The following GMDS variants were observed in gnomAD, a reference collection of about 807,000 sequenced individuals.
GMDS encodes GDP-mannose 4,6-dehydratase.
A neutral mutation model predicts 49.9 loss-of-function variants in GMDS; 20 were observed. That is an observed-to-expected ratio of 0.40 (90% CI 0.28 to 0.58). The LOEUF (loss-of-function observed/expected upper bound fraction) is 0.58, where lower values mean the gene tolerates loss of function less well. Ranked by LOEUF, GMDS falls within the 20% of genes least tolerant of loss-of-function variation. The pLI is 0.42. For synonymous variants in GMDS, 177 were observed against 178.6 expected (o/e 0.99, Z 0.07); for missense variants, 362 against 481.4 (o/e 0.75, Z 2.32).
At chr6:1,657,644 A>G (rs866695366) in intron 9 of GMDS, among the ~76,000 whole-genome samples, 2 of 152,286 alleles carry the variant, frequency 1.3e-5, no homozygotes, top group Middle Eastern at 3.4e-3. Flanking sequence ...AGGCGAGACC[A>G]GATTTCCTGT....
intron 1 of GMDS, among the ~76,000 whole-genome samples, chr6:2,230,018 T>C (rs234937): frequency 0.36 from 50,705 of 142,010 alleles, 10,407 homozygotes; most frequent in African/African-American, 0.62. Flanking sequence ...TCTGAAGACC[T>C]CCCTCCAGAG....
At chr6:2,232,525 T>C (rs910238636) in intron 1 of GMDS, among the ~76,000 whole-genome samples, 1 of 152,180 alleles carries the variant, frequency 6.6e-6, no homozygotes, top group African/African-American at 2.4e-5. Context: ...ACTTCAAAAC[T>C]GGTTTGTCAT....
At chr6:2,200,468 G>A in intron 1 of GMDS, among the ~76,000 whole-genome samples, 1 of 150,986 alleles carries the variant, frequency 6.6e-6, no homozygotes, top group South Asian at 2.1e-4. Context: ...GCAGAGAGGT[G>A]AAGGATGAAG....
chr6:1,803,514 T>C (rs892616641), intron 7 of GMDS, among the ~76,000 whole-genome samples: 1 of 152,124 alleles, frequency 6.6e-6, no homozygotes, highest in East Asian at 1.9e-4. Flanking sequence ...ACAGCTACAA[T>C]TTATGGCAAA....
At chr6:1,633,452 T>C (rs1346530607) in intron 9 of GMDS, among the ~76,000 whole-genome samples, 2 of 152,176 alleles carry the variant, frequency 1.3e-5, no homozygotes, top group African/African-American at 4.8e-5. Context: ...GCCCATGTTC[T>C]AGGGTCTGGC....
At chr6:1,876,334 G>A (rs1759061465) in intron 7 of GMDS, among the ~76,000 whole-genome samples, 1 of 152,094 alleles carries the variant, frequency 6.6e-6, no homozygotes, top group Non-Finnish European at 1.5e-5. Context: ...AGCTGAAGGT[G>A]ATGAGAAAAA....
At chr6:2,069,969 G>GT (rs1344190889) in intron 4 of GMDS, among the ~76,000 whole-genome samples, 3 of 151,724 alleles carry the variant, frequency 2.0e-5, no homozygotes, top group Non-Finnish European at 4.4e-5. Flanking sequence ...ACATGCACAC[G>GT]TATGTTTATT....
At chr6:1,701,936 A>G (rs1408195130) in intron 9 of GMDS, among the ~76,000 whole-genome samples, 1 of 152,252 alleles carries the variant, frequency 6.6e-6, no homozygotes, top group African/African-American at 2.4e-5. Flanking sequence ...GATTCACAAC[A>G]CAGGAGTTTG....
chr6:1,632,672 T>C (rs1481872534), intron 9 of GMDS, among the ~76,000 whole-genome samples: 1 of 152,058 alleles, frequency 6.6e-6, no homozygotes, highest in East Asian at 1.9e-4. Context: ...AGGCCAGAAG[T>C]TTGAGACCAG....
chr6:1,956,072 T>G (rs752617561), intron 6 of GMDS, among the ~76,000 whole-genome samples: 22 of 152,218 alleles, frequency 1.4e-4, no homozygotes, highest in Admixed American at 2.0e-4. Context: ...GCTTAAGGAC[T>G]GGCTCACTAT....
At chr6:1,786,713 A>T (rs573564284) in intron 7 of GMDS, among the ~76,000 whole-genome samples, 1 of 152,304 alleles carries the variant, frequency 6.6e-6, no homozygotes, top group Admixed American at 6.5e-5. Flanking sequence ...GGTTTTGGTT[A>T]TGAGAGCAGG....
chr6:2,132,515 G>T (rs553153822), intron 1 of GMDS, among the ~76,000 whole-genome samples: 2 of 152,286 alleles, frequency 1.3e-5, no homozygotes, highest in African/African-American at 4.8e-5. Flanking sequence ...GACAGCATGA[G>T]AATAATAACC....
chr6:2,136,777 C>T (rs1776025674), intron 1 of GMDS, among the ~76,000 whole-genome samples: 1 of 151,854 alleles, frequency 6.6e-6, no homozygotes, highest in Non-Finnish European at 1.5e-5. Flanking sequence ...GTGAGGCAGG[C>T]CTGTAGTCCT....
At chr6:2,223,385 C>A (rs899692234) in intron 1 of GMDS, among the ~76,000 whole-genome samples, 4 of 151,882 alleles carry the variant, frequency 2.6e-5, no homozygotes, top group African/African-American at 9.7e-5. Flanking sequence ...CAAGAGAGAG[C>A]CACCAATAGT....
At chr6:1,960,380 T>C (rs1014294043) in intron 5 of GMDS, among the ~76,000 whole-genome samples, 7 of 151,844 alleles carry the variant, frequency 4.6e-5, no homozygotes, top group Admixed American at 2.6e-4. Flanking sequence ...AGTCTTTTTT[T>C]TTGAAGGTTT....
intron 4 of GMDS, among the ~76,000 whole-genome samples, chr6:2,067,946 G>A (rs1220359554): frequency 7.4e-4 from 112 of 151,344 alleles, no homozygotes; most frequent in Non-Finnish European, 1.3e-3. Context: ...ACCAAAGCCG[G>A]GCAGAGACAC....
At chr6:1,805,756 A>C (rs376372286) in intron 7 of GMDS, among the ~76,000 whole-genome samples, 1 of 152,196 alleles carries the variant, frequency 6.6e-6, no homozygotes, top group African/African-American at 2.4e-5. Flanking sequence ...ATATCCTTTA[A>C]ATGTTGCAGT....
At chr6:2,234,198 T>C (rs1280910157) in intron 1 of GMDS, among the ~76,000 whole-genome samples, 1 of 152,178 alleles carries the variant, frequency 6.6e-6, no homozygotes, top group Non-Finnish European at 1.5e-5. Flanking sequence ...CCTTTTATTC[T>C]CCTCTCAAAC....
intron 4 of GMDS, among the ~76,000 whole-genome samples, chr6:2,090,748 T>C (rs945616702): frequency 2.6e-5 from 4 of 152,190 alleles, no homozygotes; most frequent in Admixed American, 6.5e-5. Flanking sequence ...TGAACGACTC[T>C]TCTGCAACTG....
Sources: gnomAD v4.1 joint callset for allele counts (sites outside exome capture counted in the v4.1 genomes callset) on GRCh38, gnomAD v4.1.1 for gene constraint, MANE v1.5 for transcripts, NCBI Gene and HGNC (gene_info 2026-07-23, HGNC 2026-07-21) for gene names.